The following AOPEP variants were observed in gnomAD, a reference collection of about 807,000 sequenced individuals.
The protein encoded by AOPEP is aminopeptidase O (putative).
A neutral mutation model predicts 98.1 loss-of-function variants in AOPEP; 77 were observed. That is an observed-to-expected ratio of 0.78 (90% CI 0.65 to 0.95). The LOEUF (loss-of-function observed/expected upper bound fraction) is 0.95, where lower values mean the gene tolerates loss of function less well. Ranked by LOEUF, AOPEP falls within the 40% of genes least tolerant of loss-of-function variation. The probability of loss-of-function intolerance (pLI) is 0.00; values close to 1 mark genes in which losing one functional copy is unlikely to be tolerated. For missense variants in AOPEP, 1,024 were observed against 1,024.7 expected (o/e 1.00, Z 0.01); for synonymous variants, 346 against 365.3 (o/e 0.95, Z 0.60).
intron 5 of AOPEP, among the ~76,000 whole-genome samples, chr9:94,829,144 C>G (rs959214161): frequency 9.2e-5 from 14 of 152,038 alleles, no homozygotes; most frequent in African/African-American, 3.4e-4. Context: ...GCTGGAATTA[C>G]AGGCATGAGC....
chr9:94,881,548 T>C (rs954518020), intron 5 of AOPEP, among the ~76,000 whole-genome samples: 3 of 151,982 alleles, frequency 2.0e-5, no homozygotes, highest in Admixed American at 2.0e-4. Flanking sequence ...TGCTCCAGAG[T>C]CCTCTCAAAA....
chr9:94,739,099 C>A (rs1483968070), intron 1 of AOPEP, among the ~76,000 whole-genome samples: 1 of 152,174 alleles, frequency 6.6e-6, no homozygotes, highest in Non-Finnish European at 1.5e-5. Context: ...AACTGCTCTC[C>A]TCCTGAAGGC....
Position 94,906,483 on chromosome 9 carries a change from A to AATAATAATAATAATAATAATAATAAT in AOPEP, c.1365-17502_1365-17501insTAATAATAATAATAATAATAATAATA, listed in dbSNP as rs138384769. On this transcript the variant is annotated intron_variant, in intron 5 of 16. Coordinates refer to ENST00000375315, the MANE Select transcript of AOPEP (RefSeq NM_001193329.3). ...TAATAATAATAATAATAATAATAAT[A>AATAATAATAATAATAATAATAATAAT]AAAAAACAGACCCCCTCTCTATAAA... Among the ~76,000 whole-genome samples, 198 of 145,746 alleles carry AATAATAATAATAATAATAATAATAAT rather than the reference A, an allele frequency of 1.4e-3. 1 individual carries two copies. The highest frequency in any genetic ancestry group is 7.0e-3 in the Middle Eastern group (2 of 284).
intron 4 of AOPEP, among the ~76,000 whole-genome samples, chr9:94,796,469 G>A (rs1042865728): frequency 3.7e-4 from 56 of 152,310 alleles, no homozygotes; most frequent in African/African-American, 1.2e-3. Context: ...AGTCACAGTG[G>A]TGTTTTTGGT....
At chr9:95,110,820 T>C in the AOPEP span, 2 of 1,149,662 alleles carry the variant, frequency 1.7e-6, no homozygotes, top group Non-Finnish European at 2.1e-6. Flanking sequence ...AATCAAAGCA[T>C]TGCTTCCTGT....
intron 1 of AOPEP, among the ~76,000 whole-genome samples, chr9:94,729,143 G>T (rs1829938245): frequency 6.6e-6 from 1 of 152,220 alleles, no homozygotes. Flanking sequence ...TAGTAGTTTA[G>T]AAGTACAGAA....
the AOPEP span, among the ~76,000 whole-genome samples, chr9:95,149,400 A>G: frequency 6.6e-6 from 1 of 152,160 alleles, no homozygotes. Context: ...GTGTTTACCT[A>G]TGTAACAAAC....
intron 8 of AOPEP, 43 bp downstream of exon 8, chr9:94,955,322 C>T: frequency 8.0e-7 from 1 of 1,244,474 alleles, no homozygotes; most frequent in Non-Finnish European, 1.2e-6. Context: ...TGTGGTGCAG[C>T]ACTTTTTAGG....
intron 13 of AOPEP, among the ~76,000 whole-genome samples, chr9:95,035,581 C>T (rs7854831): frequency 0.79 from 114,236 of 144,124 alleles, 46,406 homozygotes; most frequent in Non-Finnish European, 0.89. Context: ...TGCAGTGGCG[C>T]GATCTCGACT....
chr9:94,956,173 G>A (rs1294413885), intron 9 of AOPEP, among the ~76,000 whole-genome samples, 158 bp downstream of exon 9: 4 of 152,180 alleles, frequency 2.6e-5, no homozygotes, highest in Admixed American at 6.5e-5. Context: ...AGAAAGGGTT[G>A]CTTCAGGGAA....
At chr9:94,893,489 A>G (rs2049104423) in intron 5 of AOPEP, among the ~76,000 whole-genome samples, 1 of 152,198 alleles carries the variant, frequency 6.6e-6, no homozygotes, top group Non-Finnish European at 1.5e-5. Flanking sequence ...GACATTTGAG[A>G]AAAAGAGGTA....
At position 94,760,318 on chromosome 9, in the gene AOPEP, G is replaced by T; in HGVS notation, c.535G>T (p.Val179Phe). The change falls in exon 2 of 17, where the codon GTT (valine) becomes TTT (phenylalanine). Residue 179 changes from valine to phenylalanine, a missense_variant. Physicochemically the swap from Val to Phe is conservative, Grantham distance 50. Transcript: ENST00000375315. ...KFTRSPELTV[V>F]SEEFRNQIVR... ...TACAAGGTCTCCTGAGCTCACGGTT[G>T]TTTCTGAGGAGTTCAGGAATCAGAT... 1 of 1,614,130 alleles carries T rather than the reference G, an allele frequency of 6.2e-7. No homozygotes were observed. Among genetic ancestry groups the T allele is most frequent in the Non-Finnish European group, 8.5e-7 (1 of 1,180,028 alleles).
the AOPEP span, chr9:95,107,167 C>T: frequency 6.2e-7 from 1 of 1,614,210 alleles, no homozygotes; most frequent in Non-Finnish European, 8.5e-7. Flanking sequence ...GCTCTGAGGT[C>T]TGTGTCTGTG....
At chr9:95,119,770 G>A in the AOPEP span, among the ~76,000 whole-genome samples, 6 of 152,162 alleles carry the variant, frequency 3.9e-5, no homozygotes, top group African/African-American at 1.4e-4. Flanking sequence ...GGAGTGCAGT[G>A]GCATGATCAC....
intron 7 of AOPEP, chr9:94,932,986 C>T (rs1165483766): frequency 1.0e-6 from 1 of 985,274 alleles, no homozygotes; most frequent in African/African-American, 1.7e-5. Flanking sequence ...GGTCACATGC[C>T]ATTTTTCATT....
At chr9:94,995,279 T>C (rs2061150956) in intron 11 of AOPEP, among the ~76,000 whole-genome samples, 1 of 152,226 alleles carries the variant, frequency 6.6e-6, no homozygotes, top group Non-Finnish European at 1.5e-5. Flanking sequence ...AAATACCAGA[T>C]AGACTTTTGT....
chr9:95,033,508 A>G (rs967505588), intron 13 of AOPEP, among the ~76,000 whole-genome samples: 5 of 152,120 alleles, frequency 3.3e-5, no homozygotes, highest in African/African-American at 9.7e-5. Flanking sequence ...GTGATTCTTC[A>G]TGTTTAGAAA....
the AOPEP span, among the ~76,000 whole-genome samples, chr9:95,138,561 C>T: frequency 6.6e-6 from 1 of 152,240 alleles, no homozygotes; most frequent in Non-Finnish European, 1.5e-5. Flanking sequence ...CTGGCTTTGA[C>T]CAGCTTTCCT....
At chr9:95,141,263 G>A in the AOPEP span, among the ~76,000 whole-genome samples, 1 of 121,540 alleles carries the variant, frequency 8.2e-6, no homozygotes, top group African/African-American at 3.1e-5. Context: ...AGTGAGACAT[G>A]ACTGTACCAC....
Sources: gnomAD v4.1 joint callset for allele counts (sites outside exome capture counted in the v4.1 genomes callset) on GRCh38, gnomAD v4.1.1 for gene constraint, MANE v1.5 for transcripts, NCBI Gene and HGNC (gene_info 2026-07-23, HGNC 2026-07-21) for gene names.